The following FHIT variants were observed in gnomAD, a reference collection of about 807,000 sequenced individuals.
The protein encoded by FHIT is bis(5'-adenosyl)-triphosphatase.
In FHIT, 19 loss-of-function variants were observed where a neutral mutation model predicts 17.9. The observed-to-expected ratio is 1.06, with a 90% CI of 0.74 to 1.56. The LOEUF is 1.56. Among genes scored for constraint, FHIT ranks in the 40% most tolerant of loss-of-function variants. FHIT has a pLI of 0.00. For missense variants in FHIT, 248 were observed against 189.2 expected (o/e 1.31, Z -1.82); for synonymous variants, 81 against 69.7 (o/e 1.16, Z -0.81).
rs1034365105 is a variant in FHIT at position 60,801,110 on chromosome 3, G to A, written c.-18+20809C>T. On this transcript the variant is annotated intron_variant, in intron 4 of 9. Transcript: ENST00000492590. ...AGGGCTCAACCTGCTGGAATCTTCC[G>A]AGAAAACTTACATGCTTCAGATGTA... is the stretch of plus-strand genomic sequence containing the variant. 2.0e-5 allele frequency among the ~76,000 whole-genome samples: 3 copies of A among 152,238 alleles called. 1 individual carries two copies. The South Asian group carries it at 6.2e-4, about 32-fold the overall frequency.
At chr3:60,602,001 A>G (rs782485086) in intron 4 of FHIT, among the ~76,000 whole-genome samples, 7 of 152,198 alleles carry the variant, frequency 4.6e-5, no homozygotes, top group Non-Finnish European at 1.0e-4. Flanking sequence ...ATACCTGAGA[A>G]AAAAGGCAAG....
intron 5 of FHIT, among the ~76,000 whole-genome samples, chr3:60,035,965 C>T (rs1054772147): frequency 1.3e-5 from 2 of 152,184 alleles, no homozygotes; most frequent in South Asian, 2.1e-4. Context: ...AGCAGATCAG[C>T]TCTGCCCATC....
intron 2 of FHIT, among the ~76,000 whole-genome samples, chr3:61,143,244 C>T (rs2037135727): frequency 6.6e-6 from 1 of 151,854 alleles, no homozygotes; most frequent in Non-Finnish European, 1.5e-5. Flanking sequence ...TGACATAATC[C>T]TTAGGAAGGA....
At chr3:60,578,214 G>A (rs2037634837) in intron 4 of FHIT, among the ~76,000 whole-genome samples, 1 of 151,982 alleles carries the variant, frequency 6.6e-6, no homozygotes, top group Admixed American at 6.6e-5. Context: ...CGAGGTGGGT[G>A]GATCACAAGG....
At chr3:61,102,356 T>C (rs745847685) in intron 2 of FHIT, among the ~76,000 whole-genome samples, 1 of 152,188 alleles carries the variant, frequency 6.6e-6, no homozygotes, top group African/African-American at 2.4e-5. Flanking sequence ...ATGGATTACG[T>C]TTATTGATTT....
At chr3:60,563,644 G>A (rs1056096660) in intron 4 of FHIT, among the ~76,000 whole-genome samples, 1 of 152,172 alleles carries the variant, frequency 6.6e-6, no homozygotes, top group African/African-American at 2.4e-5. Context: ...TTGCTGATAG[G>A]GAGAGTTTGA....
chr3:60,463,611 C>T (rs899846465), intron 5 of FHIT, among the ~76,000 whole-genome samples: 11 of 152,150 alleles, frequency 7.2e-5, no homozygotes, highest in African/African-American at 1.2e-4. Context: ...AGGAAGGGGA[C>T]GTGTAACATT....
At chr3:60,919,233 G>A (rs1347969479) in intron 3 of FHIT, among the ~76,000 whole-genome samples, 5 of 152,144 alleles carry the variant, frequency 3.3e-5, no homozygotes, top group African/African-American at 7.2e-5. Context: ...GAAAACACAC[G>A]CGTTATATTT....
intron 8 of FHIT, among the ~76,000 whole-genome samples, chr3:59,790,070 C>T (rs187148458): frequency 5.3e-5 from 8 of 152,196 alleles, no homozygotes; most frequent in Admixed American, 2.6e-4. Context: ...AAATGAGCAG[C>T]GAAATTCCTC....
chr3:61,238,137 T>C (rs1324731716), intron 1 of FHIT, among the ~76,000 whole-genome samples: 1 of 152,150 alleles, frequency 6.6e-6, no homozygotes, highest in Non-Finnish European at 1.5e-5. Context: ...AGAGGGAAGA[T>C]AGATAATATT....
intron 2 of FHIT, among the ~76,000 whole-genome samples, chr3:61,145,555 A>G (rs2037204246): frequency 6.6e-6 from 1 of 152,064 alleles, no homozygotes; most frequent in Non-Finnish European, 1.5e-5. Flanking sequence ...CTGGGGAAAA[A>G]AATAAAAAAA....
At chr3:59,929,859 G>A (rs760981074) in intron 7 of FHIT, among the ~76,000 whole-genome samples, 155 of 118,308 alleles carry the variant, frequency 1.3e-3, no homozygotes, top group Non-Finnish European at 2.4e-3. Context: ...TATGATACAC[G>A]CTTTTTTTTT....
At chr3:60,852,005 A>G (rs1291724025) in intron 3 of FHIT, among the ~76,000 whole-genome samples, 1 of 152,160 alleles carries the variant, frequency 6.6e-6, no homozygotes, top group Non-Finnish European at 1.5e-5. Context: ...GTCGAACTTT[A>G]TTCCGAGTAT....
At chr3:60,411,609 C>T (rs1702062837) in intron 5 of FHIT, among the ~76,000 whole-genome samples, 1 of 152,164 alleles carries the variant, frequency 6.6e-6, no homozygotes, top group Admixed American at 6.5e-5. Context: ...TTATTTCCCA[C>T]ATCATGCAAA....
At chr3:60,095,923 G>A (rs1266271721) in intron 5 of FHIT, among the ~76,000 whole-genome samples, 1 of 152,166 alleles carries the variant, frequency 6.6e-6, no homozygotes, top group African/African-American at 2.4e-5. Context: ...CCCATCCTGG[G>A]CTGTGTATAT....
At chr3:60,186,960 G>C (rs959211618) in intron 5 of FHIT, among the ~76,000 whole-genome samples, 5 of 151,972 alleles carry the variant, frequency 3.3e-5, no homozygotes, top group African/African-American at 1.2e-4. Context: ...TTAAAGCTTT[G>C]TGATTATTTT....
chr3:60,306,012 C>G (rs1264985696), intron 5 of FHIT, among the ~76,000 whole-genome samples: 5 of 152,060 alleles, frequency 3.3e-5, no homozygotes, highest in African/African-American at 1.2e-4. Flanking sequence ...TTTAGAAAAG[C>G]AAATTCTGTC....
chr3:61,076,593 C>A (rs943555912), intron 2 of FHIT, among the ~76,000 whole-genome samples: 1 of 152,112 alleles, frequency 6.6e-6, no homozygotes, highest in African/African-American at 2.4e-5. Context: ...GAATACAATA[C>A]ATAAAAGATG....
At chr3:60,934,612 A>G (rs1314748974) in intron 3 of FHIT, among the ~76,000 whole-genome samples, 1 of 152,200 alleles carries the variant, frequency 6.6e-6, no homozygotes, top group Non-Finnish European at 1.5e-5. Context: ...AAAGTACTTT[A>G]TGAGGTAGCT....
Sources: gnomAD v4.1 joint callset for allele counts (sites outside exome capture counted in the v4.1 genomes callset) on GRCh38, gnomAD v4.1.1 for gene constraint, MANE v1.5 for transcripts, NCBI Gene and HGNC (gene_info 2026-07-23, HGNC 2026-07-21) for gene names.